The following TENM2 variants were observed in gnomAD, a reference collection of about 807,000 sequenced individuals.
The protein encoded by TENM2 is teneurin transmembrane protein 2, also known as teneurin-2.
A neutral mutation model predicts 245.2 loss-of-function variants in TENM2; 52 were observed. That is an observed-to-expected ratio of 0.21 (90% CI 0.17 to 0.27). The LOEUF (loss-of-function observed/expected upper bound fraction) is 0.27. Among genes scored for constraint, TENM2 ranks in the 10% least tolerant of loss-of-function variants. TENM2 has a pLI of 1.00. For synonymous variants in TENM2, 1,363 were observed against 1,438.9 expected (o/e 0.95, Z 1.19); for missense variants, 3,046 against 3,666.8 (o/e 0.83, Z 4.37).
intron 2 of TENM2, among the ~76,000 whole-genome samples, chr5:167,585,945 C>T (rs915130354): frequency 6.6e-6 from 1 of 151,886 alleles, no homozygotes; most frequent in Middle Eastern, 3.4e-3. Flanking sequence ...GGCAACATGG[C>T]GAAACCGCAT....
At chr5:168,183,033 T>C (rs1266430782) in intron 13 of TENM2, among the ~76,000 whole-genome samples, 2 of 152,012 alleles carry the variant, frequency 1.3e-5, no homozygotes, top group East Asian at 3.9e-4. Flanking sequence ...GGTTTCACCA[T>C]GTTGGCCAGG....
intron 8 of TENM2, among the ~76,000 whole-genome samples, chr5:168,093,757 G>A (rs1223283319): frequency 6.6e-6 from 1 of 152,072 alleles, no homozygotes; most frequent in Non-Finnish European, 1.5e-5. Context: ...TCAAGAAAAT[G>A]TAAACAAAAA....
At chr5:167,545,653 C>T (rs75409474) in intron 2 of TENM2, among the ~76,000 whole-genome samples, 101 of 152,238 alleles carry the variant, frequency 6.6e-4, no homozygotes, top group Non-Finnish European at 1.1e-3. Context: ...CTGATTTATG[C>T]TTTCACATAA....
rs1300011133 is a variant in TENM2 at position 167,724,288 on chromosome 5, G to GT, written c.503-151684dup. Among the ~76,000 whole-genome samples, 661 of 143,426 alleles carry GT rather than the reference G, an allele frequency of 4.6e-3. 4 individuals carry two copies. Among genetic ancestry groups the GT allele is most frequent in the East Asian group, 0.013 (64 of 4,928 alleles). 94.1% of individuals were successfully genotyped at this position (143,426 alleles called of 152,430 possible). On this transcript the variant is annotated intron_variant, in intron 2 of 28. Transcript: ENST00000518659. ...AAGACAATCTGTGGATAAATTACTAGTTTTTTTTTTTTTTCCCATGTACTT... is the reference window on the plus strand; with the variant it reads ...AAGACAATCTGTGGATAAATTACTAGTTTTTTTTTTTTTTTCCCATGTACTT...
chr5:168,125,134 C>G (rs1795753611), intron 11 of TENM2, 84 bp downstream of exon 13: 4 of 1,181,510 alleles, frequency 3.4e-6, no homozygotes, highest in East Asian at 5.2e-5. Flanking sequence ...GGAATCTACT[C>G]TTAATACTTA....
intron 3 of TENM2, among the ~76,000 whole-genome samples, chr5:167,942,949 T>C (rs1240219027): frequency 6.6e-6 from 1 of 152,162 alleles, no homozygotes; most frequent in Non-Finnish European, 1.5e-5. Flanking sequence ...TGCGTACGTG[T>C]GTGTATGTGT....
intron 3 of TENM2, among the ~76,000 whole-genome samples, chr5:167,929,087 AAGAAAGAAAG>A (rs1561945812): frequency 7.6e-6 from 1 of 131,414 alleles, no homozygotes; most frequent in Admixed American, 7.5e-5. Context: ...GAAAGAAAGA[AAGAAAGAAAG>A]AAAGAAAGAA....
chr5:167,897,095 G>A (rs1318905663), intron 3 of TENM2, among the ~76,000 whole-genome samples: 2 of 152,208 alleles, frequency 1.3e-5, no homozygotes, highest in Non-Finnish European at 2.9e-5. Flanking sequence ...ATGGGAGGCA[G>A]AAGCCCTGTT....
intron 2 of TENM2, among the ~76,000 whole-genome samples, chr5:167,836,501 G>A (rs1404280348): frequency 6.6e-6 from 1 of 152,034 alleles, no homozygotes; most frequent in Non-Finnish European, 1.5e-5. Flanking sequence ...ATATATTTTT[G>A]GATTTCTGTA....
At chr5:168,105,373 G>C (rs1444848971) in intron 9 of TENM2, among the ~76,000 whole-genome samples, 2 of 152,142 alleles carry the variant, frequency 1.3e-5, no homozygotes, top group Admixed American at 6.5e-5. Flanking sequence ...GGAGCAAAAG[G>C]CATGGGGGTA....
chr5:167,461,542 A>G (rs1766291133), intron 2 of TENM2, among the ~76,000 whole-genome samples: 2 of 152,176 alleles, frequency 1.3e-5, no homozygotes, highest in Non-Finnish European at 2.9e-5. Flanking sequence ...GCAGTCTTTC[A>G]TAGATATTTA....
chr5:167,550,735 T>C (rs1772882538), intron 2 of TENM2, among the ~76,000 whole-genome samples: 1 of 148,866 alleles, frequency 6.7e-6, no homozygotes, highest in Non-Finnish European at 1.5e-5. Context: ...TGTGTGTGTG[T>C]GTGTGTGTGT....
intron 2 of TENM2, among the ~76,000 whole-genome samples, chr5:167,815,334 A>G (rs1766959729): frequency 6.6e-6 from 1 of 152,150 alleles, no homozygotes; most frequent in South Asian, 2.1e-4. Flanking sequence ...TGGGAGAAAG[A>G]TGATAGCAGC....
chr5:167,675,108 A>T (rs1756228550), intron 2 of TENM2, among the ~76,000 whole-genome samples: 1 of 152,122 alleles, frequency 6.6e-6, no homozygotes, highest in Non-Finnish European at 1.5e-5. Flanking sequence ...CTCTCCAAAA[A>T]TATCAAGTAA....
At chr5:167,311,869 G>C (rs192596837) in intron 1 of TENM2, among the ~76,000 whole-genome samples, 1 of 152,250 alleles carries the variant, frequency 6.6e-6, no homozygotes, top group Admixed American at 6.5e-5. Flanking sequence ...ATCATATTCT[G>C]AAATGCATCA....
intron 2 of TENM2, among the ~76,000 whole-genome samples, chr5:167,751,019 G>A (rs1421969049): frequency 6.6e-6 from 1 of 152,154 alleles, no homozygotes; most frequent in East Asian, 1.9e-4. Context: ...AAACTGATTA[G>A]TAGAAGGTAG....
chr5:168,079,803 T>A (rs1340187585), intron 7 of TENM2, among the ~76,000 whole-genome samples: 1 of 152,254 alleles, frequency 6.6e-6, no homozygotes, highest in Admixed American at 6.5e-5. Flanking sequence ...GTGGATAAGC[T>A]TTTTGATGTG....
chr5:167,988,982 T>C (rs1345735), intron 4 of TENM2, among the ~76,000 whole-genome samples: 62,446 of 152,008 alleles, frequency 0.41, 13,971 homozygotes, highest in African/African-American at 0.59. Context: ...TTCTTATCTT[T>C]ACCGTGTTGC....
chr5:167,953,404 G>C (rs972937079), intron 4 of TENM2: 1 of 153,772 alleles, frequency 6.5e-6, no homozygotes, highest in East Asian at 1.9e-4. Context: ...GAGGAGGGAA[G>C]AGTTTGAAAA....
Sources: gnomAD v4.1 joint callset for allele counts (sites outside exome capture counted in the v4.1 genomes callset) on GRCh38, gnomAD v4.1.1 for gene constraint, MANE v1.5 for transcripts, NCBI Gene and HGNC (gene_info 2026-07-23, HGNC 2026-07-21) for gene names.